ADCY8: variants seen among roughly 807,000 people sequenced by gnomAD.
ADCY8 encodes adenylate cyclase type 8.
ADCY8 carries 51 observed loss-of-function variants against 119.7 expected under a neutral mutation model. That is an observed-to-expected ratio of 0.43 (90% CI 0.34 to 0.54). The LOEUF (loss-of-function observed/expected upper bound fraction) is 0.54, where lower values mean the gene tolerates loss of function less well. ADCY8 is among the 20% of genes least tolerant of loss of function. The pLI is 0.03. For synonymous variants in ADCY8, 665 were observed against 651.0 expected, an observed-to-expected ratio of 1.02 and a Z score of -0.33; for missense variants, 1,383 against 1,598.8, an observed-to-expected ratio of 0.87 and a Z score of 2.30.
chr8:130,915,248 GTTATAA>G (rs1229090782), intron 5 of ADCY8, among the ~76,000 whole-genome samples: 1 of 152,296 alleles, frequency 6.6e-6, no homozygotes, highest in African/African-American at 2.4e-5. Flanking sequence ...AAGGAAGCAT[GTTATAA>G]TTATAAGGTA....
chr8:130,843,397 T>C (rs1420525523), intron 11 of ADCY8, among the ~76,000 whole-genome samples: 1 of 152,160 alleles, frequency 6.6e-6, no homozygotes, highest in East Asian at 1.9e-4. Flanking sequence ...TATGCAACTC[T>C]CCAGAGTAGT....
chr8:130,874,606 A>G (rs556700636), intron 8 of ADCY8, among the ~76,000 whole-genome samples: 2 of 152,310 alleles, frequency 1.3e-5, no homozygotes, highest in African/African-American at 4.8e-5. Context: ...ACATGCTAAC[A>G]TGCGTTTAAG....
chr8:130,938,802 T>C (rs1193134585), intron 4 of ADCY8, among the ~76,000 whole-genome samples: 2 of 152,212 alleles, frequency 1.3e-5, no homozygotes, highest in Admixed American at 1.3e-4. Context: ...TCTTCAGAAC[T>C]CTGACAGCAT....
intron 11 of ADCY8, 133 bp downstream of exon 11, chr8:130,847,291 G>T (rs1437775533): frequency 1.8e-6 from 1 of 560,596 alleles, no homozygotes; most frequent in East Asian, 2.9e-5. Context: ...AGAAAGGAAA[G>T]AAGAAGAGGC....
rs200123429 is a variant in ADCY8 at position 130,780,463 on chromosome 8, C to T, written c.3683G>A (p.Arg1228Gln). Residue 1228 changes from arginine to glutamine, a missense_variant, in exon 18 of 18, where the codon CGG (arginine) becomes CAG (glutamine). Arg to Gln is a conservative substitution (Grantham distance 43). This residue lies in a region of ADCY8 where 928 missense variants were observed against 1,163.5 expected (regional missense o/e 0.80). Coordinates refer to ENST00000286355, the MANE Select transcript of ADCY8 (RefSeq NM_001115.3). ...TGIIKGHYNR[R>Q]TLLSPSGTEP... ...TGTGCCGCTGGGTGACAACAAAGTCCGCCGGTTGTAATGACCCTTGATGAT... is the reference window on the plus strand; with the variant it reads ...TGTGCCGCTGGGTGACAACAAAGTCTGCCGGTTGTAATGACCCTTGATGAT... 37 of 1,613,520 alleles carry T rather than the reference C, an allele frequency of 2.3e-5. No individual in the cohort carries two copies. Among genetic ancestry groups the T allele is most frequent in the South Asian group, 3.3e-5 (3 of 91,056 alleles).
chr8:130,781,927 G>A (rs769316198), intron 17 of ADCY8, among the ~76,000 whole-genome samples: 1 of 152,108 alleles, frequency 6.6e-6, no homozygotes, highest in Non-Finnish European at 1.5e-5. Flanking sequence ...GGATGTGGTG[G>A]GAAAGGAAAG....
chr8:130,838,711 A>C (rs1002466326), intron 11 of ADCY8, among the ~76,000 whole-genome samples: 12 of 141,806 alleles, frequency 8.5e-5, no homozygotes, highest in African/African-American at 2.9e-4. Flanking sequence ...TATAAAATGT[A>C]ATAAGCATTT....
chr8:130,789,845 G>A (rs79775584), intron 15 of ADCY8, among the ~76,000 whole-genome samples: 4 of 152,066 alleles, frequency 2.6e-5, no homozygotes, highest in Admixed American at 6.6e-5. Context: ...GCAAAATTGC[G>A]GCCCCTTCAG....
intron 9 of ADCY8, among the ~76,000 whole-genome samples, chr8:130,860,000 T>C (rs1324026962): frequency 6.6e-6 from 1 of 152,330 alleles, no homozygotes; most frequent in East Asian, 1.9e-4. Flanking sequence ...AAATGGAATC[T>C]TACTTCATTG....
chr8:131,039,142 T>C (rs1824264383), intron 1 of ADCY8, among the ~76,000 whole-genome samples: 1 of 152,180 alleles, frequency 6.6e-6, no homozygotes, highest in South Asian at 2.1e-4. Context: ...GAATTACTCA[T>C]AGAATCAGAG....
intron 3 of ADCY8, among the ~76,000 whole-genome samples, chr8:130,948,678 A>AG (rs1821179925): frequency 6.6e-6 from 1 of 151,526 alleles, no homozygotes. Context: ...CAAGGGAGAA[A>AG]AAATAATGCA....
chr8:130,887,334 G>A (rs1177124225), intron 7 of ADCY8, among the ~76,000 whole-genome samples: 1 of 152,076 alleles, frequency 6.6e-6, no homozygotes, highest in East Asian at 1.9e-4. Context: ...CTTCAAATGA[G>A]AGAGAAATTT....
At chr8:130,782,500 A>G (rs1815115975) in intron 17 of ADCY8, among the ~76,000 whole-genome samples, 1 of 152,234 alleles carries the variant, frequency 6.6e-6, no homozygotes, top group African/African-American at 2.4e-5. Flanking sequence ...TTAATTTTCC[A>G]ACCTCTGAGA....
At chr8:130,982,216 G>A (rs554688309) in intron 2 of ADCY8, among the ~76,000 whole-genome samples, 5 of 152,314 alleles carry the variant, frequency 3.3e-5, no homozygotes, top group East Asian at 3.9e-4. Flanking sequence ...GGCCATTAAC[G>A]CTGGTACTGT....
At chr8:131,013,861 A>G (rs1823387425) in intron 1 of ADCY8, among the ~76,000 whole-genome samples, 2 of 152,194 alleles carry the variant, frequency 1.3e-5, no homozygotes, top group Non-Finnish European at 2.9e-5. Flanking sequence ...CAAGTCACCT[A>G]AGTCTTGATC....
chr8:130,848,380 T>C (rs560884975), intron 10 of ADCY8, among the ~76,000 whole-genome samples: 61 of 152,370 alleles, frequency 4.0e-4, no homozygotes, highest in African/African-American at 1.5e-3. Context: ...CTGTGATCAA[T>C]TGATCCCATG....
intron 1 of ADCY8, among the ~76,000 whole-genome samples, chr8:130,996,830 C>G (rs1220488729): frequency 6.6e-6 from 1 of 152,040 alleles, no homozygotes; most frequent in Non-Finnish European, 1.5e-5. Flanking sequence ...AATCTGATAC[C>G]TTGCTGATAT....
chr8:131,038,837 G>C (rs1824250977), intron 1 of ADCY8, among the ~76,000 whole-genome samples: 1 of 152,130 alleles, frequency 6.6e-6, no homozygotes, highest in African/African-American at 2.4e-5. Flanking sequence ...TTGAAGGATT[G>C]GATGACATAA....
intron 7 of ADCY8, among the ~76,000 whole-genome samples, chr8:130,901,378 G>A (rs1177733473): frequency 6.6e-6 from 1 of 151,502 alleles, no homozygotes; most frequent in African/African-American, 2.4e-5. Context: ...ATATGACACA[G>A]CAATTTGATG....
Sources: gnomAD v4.1 joint callset for allele counts (sites outside exome capture counted in the v4.1 genomes callset) on GRCh38, gnomAD v4.1.1 for gene constraint, gnomAD v4.1.1 regional missense constraint, MANE v1.5 for transcripts, NCBI Gene and HGNC (gene_info 2026-07-23, HGNC 2026-07-21) for gene names.